L3MBTL1: variants seen among roughly 807,000 people sequenced by gnomAD.
L3MBTL1 encodes L3MBTL histone methyl-lysine binding protein 1.
A neutral mutation model predicts 105.3 loss-of-function variants in L3MBTL1; 75 were observed. That is an observed-to-expected ratio of 0.71 (90% confidence interval 0.59 to 0.86). The LOEUF (loss-of-function observed/expected upper bound fraction) is 0.86, where lower values mean the gene tolerates loss of function less well. L3MBTL1 is among the 40% of genes least tolerant of loss of function. The pLI is 0.00. For missense variants in L3MBTL1, 1,069 were observed against 1,126.4 expected, an observed-to-expected ratio of 0.95 and a Z score of 0.73; for synonymous variants, 452 against 436.2, an observed-to-expected ratio of 1.04 and a Z score of -0.45.
chr20:43,549,312 A>AC (rs1411976489), exon 19 of L3MBTL1: 1 of 152,150 alleles, frequency 6.6e-6, no homozygotes, highest in Non-Finnish European at 1.5e-5. Context: ...TGTAGCACAC[A>AC]CCCCCATGAC....
chr20:43,517,915 G>T (rs932418013), intron 7 of L3MBTL1, among the ~76,000 whole-genome samples: 15 of 152,154 alleles, frequency 9.9e-5, no homozygotes, highest in African/African-American at 3.6e-4. Context: ...CTCACCCATG[G>T]TATTCATATC....
At chr20:43,528,435 G>A (rs559674934) in intron 7 of L3MBTL1, among the ~76,000 whole-genome samples, 6 of 152,152 alleles carry the variant, frequency 3.9e-5, no homozygotes, top group Admixed American at 2.0e-4. Flanking sequence ...CTGAGCGGGT[G>A]GGGGGGAAGT....
intron 10 of L3MBTL1, among the ~76,000 whole-genome samples, 167 bp downstream of exon 10, chr20:43,530,586 G>A (rs2019284145): frequency 6.6e-6 from 1 of 152,206 alleles, no homozygotes; most frequent in South Asian, 2.1e-4. Context: ...GGGCCAAGTT[G>A]ACCAGAAGCC....
downstream of L3MBTL1, among the ~76,000 whole-genome samples, chr20:43,542,348 G>C (rs1253229910): frequency 1.3e-5 from 2 of 152,118 alleles, no homozygotes; most frequent in Non-Finnish European, 2.9e-5. Flanking sequence ...TGCTTTCCTT[G>C]CCCTCTGTGT....
chr20:43,526,388 A>G (rs1338725287), intron 7 of L3MBTL1, among the ~76,000 whole-genome samples: 2 of 152,004 alleles, frequency 1.3e-5, no homozygotes, highest in Non-Finnish European at 2.9e-5. Flanking sequence ...CCTGAAGTCT[A>G]CTCTCTCTTC....
chr20:43,526,083 G>C (rs1183550770), intron 7 of L3MBTL1, among the ~76,000 whole-genome samples: 1 of 152,078 alleles, frequency 6.6e-6, no homozygotes, highest in East Asian at 1.9e-4. Flanking sequence ...TGTCTGCTGT[G>C]GCATGGGGGT....
rs372315113 is a variant in L3MBTL1 at position 43,515,058 on chromosome 20, G to A, written c.552G>A (p.Glu184=). The change falls in exon 5 of 22, where the codon GAG becomes GAA. Residue 184 remains glutamate (E), a synonymous_variant. Coordinates refer to ENST00000418998, the MANE Select transcript of L3MBTL1 (RefSeq NM_001377303.1). ...AAGATCCCAATCAGGACCCCCCAGA[G>A]GATGATAGCACCTGTCAGTGCCAGG... The part of the protein sequence containing the change: ...PPEDPNQDPP[E]DDSTCQCQAC... 1.5e-5 allele frequency: 24 copies of A among 1,614,160 alleles called. No homozygotes were observed. Among genetic ancestry groups the A allele is most frequent in the Non-Finnish European group, 2.0e-5 (24 of 1,179,984 alleles).
intron 15 of L3MBTL1, 90 bp from the exon 16 acceptor site, chr20:43,534,738 T>A (rs371375074): frequency 1.1e-6 from 1 of 873,804 alleles, no homozygotes; most frequent in South Asian, 1.6e-5. Flanking sequence ...GGATCTTGCT[T>A]CTGACAGGTC....
intron 11 of L3MBTL1, 178 bp downstream of exon 11, chr20:43,531,067 A>G: frequency 1.7e-6 from 1 of 597,760 alleles, no homozygotes; most frequent in Admixed American, 3.3e-5. Context: ...CAGAGATGGG[A>G]AGCTGGTTAT....
chr20:43,528,761 TC>T lies in L3MBTL1; in HGVS notation c.951+20del. 6.3e-7 allele frequency: 1 copy of T among 1,595,332 alleles called. No homozygotes were observed. Among genetic ancestry groups the T allele is most frequent in the Non-Finnish European group, 8.6e-7 (1 of 1,162,898 alleles). ...CTTCCAGGACGTGAGTTGGACAATT[TC>T]CCCGTAGGAACAGCTTGTCTTCCTA... On this transcript the variant is annotated intron_variant, in intron 8 of 21. Coordinates refer to ENST00000418998, the MANE Select transcript of L3MBTL1 (RefSeq NM_001377303.1).
chr20:43,540,231 T>C lies in L3MBTL1; in HGVS notation c.2254T>C (p.Trp752Arg), dbSNP rs1390248364. 1.9e-6 allele frequency: 3 copies of C among 1,613,830 alleles called. No individual in the cohort carries two copies. Among genetic ancestry groups the C allele is most frequent in the Admixed American group, 3.3e-5 (2 of 60,020 alleles). ...AHPDRSLSVC[W>R]EQHCKLLPGV... ...CCCTGACCGCTCACTCTCAGTGTGCTGGGAGCAGCACTGCAAGCTCCTGCC... is the reference window on the plus strand; with the variant it reads ...CCCTGACCGCTCACTCTCAGTGTGCCGGGAGCAGCACTGCAAGCTCCTGCC... Residue 752 changes from tryptophan to arginine, a missense_variant, in exon 20 of 22, where the codon TGG becomes CGG. Trp to Arg is a moderately radical substitution (Grantham distance 101). Transcript: ENST00000418998.
exon 19 of L3MBTL1, chr20:43,549,290 T>C (rs1368812900): frequency 6.6e-6 from 1 of 152,338 alleles, no homozygotes; most frequent in Admixed American, 6.5e-5. Context: ...GCCATGAGAA[T>C]GTAGCACTCT....
downstream of L3MBTL1, among the ~76,000 whole-genome samples, chr20:43,544,409 A>C (rs1197776869): frequency 1.3e-5 from 2 of 151,994 alleles, no homozygotes; most frequent in Admixed American, 6.6e-5. Context: ...TTTCCTGTTG[A>C]TTTCCTCTAC....
At chr20:43,523,176 A>G (rs2018827767) in intron 7 of L3MBTL1, 1 of 152,504 alleles carries the variant, frequency 6.6e-6, no homozygotes, top group African/African-American at 2.4e-5. Flanking sequence ...TATTTCTGTT[A>G]ATACCTTGAA....
chr20:43,523,768 C>G (rs914631563), intron 7 of L3MBTL1, among the ~76,000 whole-genome samples: 9 of 151,940 alleles, frequency 5.9e-5, no homozygotes, highest in African/African-American at 2.2e-4. Context: ...CCAAGGCGGG[C>G]GAATTGCCTG....
exon 19 of L3MBTL1, chr20:43,548,338 G>A (rs55884134): frequency 8.1e-5 from 89 of 1,096,026 alleles, no homozygotes; most frequent in East Asian, 3.0e-4. Context: ...TACCCCACAC[G>A]TCCCCATGCT....
exon 19 of L3MBTL1, chr20:43,550,548 T>G (rs1204310209): frequency 6.6e-6 from 1 of 152,180 alleles, no homozygotes; most frequent in Non-Finnish European, 1.5e-5. Flanking sequence ...TTATTGCACC[T>G]TGACCTGGGA....
intron 18 of L3MBTL1, among the ~76,000 whole-genome samples, chr20:43,547,138 T>C (rs939033707): frequency 2.8e-5 from 4 of 144,094 alleles, no homozygotes; most frequent in African/African-American, 7.8e-5. Context: ...GGAGTCTCGC[T>C]CTGTCGCCCA....
At chr20:43,514,593 C>T in intron 3 of L3MBTL1, 42 bp from the exon 4 acceptor site, 1 of 1,599,428 alleles carries the variant, frequency 6.3e-7, no homozygotes, top group Non-Finnish European at 8.5e-7. Flanking sequence ...GGGTCAAGGA[C>T]CCGTACGGGA....
Sources: allele counts gnomAD v4.1 joint callset (sites outside exome capture counted in the v4.1 genomes callset), GRCh38; gene constraint gnomAD v4.1.1; transcripts MANE v1.5; gene names NCBI Gene and HGNC (gene_info 2026-07-23, HGNC 2026-07-21).